The following CSMD3 variants were observed in gnomAD, a reference collection of about 807,000 sequenced individuals.
The protein encoded by CSMD3 is CUB and Sushi multiple domains 3.
CSMD3 carries 177 observed loss-of-function variants against 435.2 expected under a neutral mutation model. That is an observed-to-expected ratio of 0.41 (90% CI 0.36 to 0.46). CSMD3 has a LOEUF of 0.46. CSMD3 is among the 20% of genes least tolerant of loss of function. CSMD3 has a pLI of 0.34. For synonymous variants in CSMD3, 1,656 were observed against 1,520.5 expected (o/e 1.09, Z -2.07); for missense variants, 4,265 against 4,504.6 (o/e 0.95, Z 1.52).
intron 27 of CSMD3, among the ~76,000 whole-genome samples, chr8:112,522,817 C>A (rs1824439977): frequency 6.6e-6 from 1 of 151,874 alleles, no homozygotes; most frequent in South Asian, 2.1e-4. Flanking sequence ...TGTCAATATA[C>A]TTCTCACTTA....
chr8:113,296,291 T>TATAATAATAATA (rs4027872), intron 2 of CSMD3, among the ~76,000 whole-genome samples: 25,570 of 146,040 alleles, frequency 0.18, 2,881 homozygotes, highest in East Asian at 0.44. Context: ...GAACTTAAAG[T>TATAATAATAATA]ATAATAATAA....
At chr8:113,394,212 T>C (rs1044943577) in intron 1 of CSMD3, among the ~76,000 whole-genome samples, 5 of 151,428 alleles carry the variant, frequency 3.3e-5, no homozygotes, top group African/African-American at 1.2e-4. Context: ...ATGGTAAACA[T>C]ACTTGGGAAA....
Position 112,281,295 on chromosome 8 carries a change from A to G in CSMD3, c.9387T>C (p.Asp3129=), listed in dbSNP as rs1818608344. The change falls in exon 59 of 71, where the codon GAT becomes GAC. Residue 3129 remains aspartate, a synonymous_variant. Coordinates refer to ENST00000297405, the MANE Select transcript of CSMD3 (RefSeq NM_198123.2). ...TGACTGAACTAGAAAATGTTGTGCC[A>G]TCAATTCGGAAGACTTTCCCATTGG... ...TTANGKVFRI[D]GTTFSSSVIY... is the part of the protein sequence containing the mutation. 2 of 1,613,568 alleles carry G rather than the reference A, an allele frequency of 1.2e-6. No homozygotes were observed. Among genetic ancestry groups the G allele is most frequent in the African/African-American group, 1.3e-5 (1 of 75,022 alleles).
Position 113,144,684 on chromosome 8 carries a change from T to C in CSMD3, c.709+29038A>G, listed in dbSNP as rs188490469. 3.3e-5 allele frequency among the ~76,000 whole-genome samples: 5 copies of C among 151,608 alleles called. No homozygotes were observed. The Admixed American group carries it at 3.3e-4, about 10-fold the overall frequency. Reference sequence around the variant, plus strand: ...AGTAAGCAATAGAAAATTTATCTGGTCCAATTTACTTTAATGCCTTATGTC... The same window carrying C: ...AGTAAGCAATAGAAAATTTATCTGGCCCAATTTACTTTAATGCCTTATGTC... On this transcript the variant is annotated intron_variant, in intron 4 of 70. Coordinates refer to ENST00000297405, the MANE Select transcript of CSMD3 (RefSeq NM_198123.2).
intron 36 of CSMD3, among the ~76,000 whole-genome samples, chr8:112,386,467 T>C (rs1586950198): frequency 6.6e-6 from 1 of 152,090 alleles, no homozygotes; most frequent in South Asian, 2.1e-4. Flanking sequence ...GAGTACTCAC[T>C]ATGACAGAAG....
chr8:113,153,130 A>AGAAAGAAGGAAGGAAG (rs2091859152), intron 4 of CSMD3, among the ~76,000 whole-genome samples: 1 of 82,736 alleles, frequency 1.2e-5, no homozygotes, highest in African/African-American at 6.3e-5. Context: ...AGAAAGAGAA[A>AGAAAGAAGGAAGGAAG]GAAGGAAGGA....
At chr8:112,834,834 A>T (rs1236465977) in intron 11 of CSMD3, among the ~76,000 whole-genome samples, 1 of 151,892 alleles carries the variant, frequency 6.6e-6, no homozygotes, top group African/African-American at 2.4e-5. Flanking sequence ...AATGCCATAC[A>T]TTTTGCCTGT....
At chr8:113,281,413 C>T (rs1442512017) in intron 2 of CSMD3, among the ~76,000 whole-genome samples, 2 of 151,826 alleles carry the variant, frequency 1.3e-5, no homozygotes, top group Non-Finnish European at 2.9e-5. Flanking sequence ...CTTTTACCAT[C>T]ATATAATGTT....
intron 12 of CSMD3, among the ~76,000 whole-genome samples, chr8:112,803,794 T>G (rs1263382556): frequency 6.6e-6 from 1 of 152,158 alleles, no homozygotes; most frequent in Non-Finnish European, 1.5e-5. Flanking sequence ...AAAGCTTCTT[T>G]TCCCTGCTTC....
intron 12 of CSMD3, among the ~76,000 whole-genome samples, chr8:112,802,505 T>C (rs987778957): frequency 6.6e-6 from 1 of 152,132 alleles, no homozygotes; most frequent in African/African-American, 2.4e-5. Context: ...CCTAGCTATA[T>C]ATTATTTCTC....
At chr8:112,637,717 G>A (rs2074701858) in intron 21 of CSMD3, among the ~76,000 whole-genome samples, 1 of 151,666 alleles carries the variant, frequency 6.6e-6, no homozygotes, top group African/African-American at 2.4e-5. Context: ...CAGTTACTGT[G>A]TAATTACAAC....
At chr8:113,125,744 G>A (rs1480384018) in intron 4 of CSMD3, among the ~76,000 whole-genome samples, 2 of 151,946 alleles carry the variant, frequency 1.3e-5, no homozygotes, top group African/African-American at 4.8e-5. Context: ...ATTGGATTTG[G>A]CAACTTGAAA....
At chr8:113,411,610 C>A (rs2129797888) in intron 1 of CSMD3, among the ~76,000 whole-genome samples, 1 of 152,116 alleles carries the variant, frequency 6.6e-6, no homozygotes, top group South Asian at 2.1e-4. Flanking sequence ...AAATGAGGAC[C>A]CAATCCTTAT....
intron 11 of CSMD3, among the ~76,000 whole-genome samples, chr8:112,836,096 A>G (rs1487652398): frequency 1.3e-5 from 2 of 151,862 alleles, no homozygotes; most frequent in African/African-American, 4.8e-5. Flanking sequence ...CTACCTGTAA[A>G]TATAATGGAG....
chr8:113,292,276 G>A (rs1004317072), intron 2 of CSMD3, among the ~76,000 whole-genome samples: 2 of 151,670 alleles, frequency 1.3e-5, no homozygotes, highest in Non-Finnish European at 3.0e-5. Flanking sequence ...CTGAAAGAGA[G>A]AATATTGGCA....
intron 7 of CSMD3, among the ~76,000 whole-genome samples, chr8:112,969,221 C>A (rs565161112): frequency 6.6e-6 from 1 of 151,660 alleles, no homozygotes; most frequent in Non-Finnish European, 1.5e-5. Context: ...TTTTGTTGAG[C>A]CTTATAAATA....
intron 4 of CSMD3, among the ~76,000 whole-genome samples, chr8:113,131,992 T>A (rs2091295934): frequency 1.3e-5 from 2 of 152,118 alleles, no homozygotes; most frequent in African/African-American, 4.8e-5. Context: ...AAGGAGATCA[T>A]TTTGGAGCCT....
At position 113,250,969 on chromosome 8, in the gene CSMD3, G is replaced by C. The variant is rs576967281; in HGVS notation, c.514+27623C>G. The stretch of plus-strand genomic sequence containing the variant: ...TTTAAGTGGATGTGAAAATTGCCTT[G>C]CAGAAGGGTTACTAGGTAGAAATTA... On this transcript the variant is annotated intron_variant, in intron 3 of 70. Coordinates refer to ENST00000297405, the MANE Select transcript of CSMD3 (RefSeq NM_198123.2). 2.0e-5 allele frequency among the ~76,000 whole-genome samples: 3 copies of C among 151,962 alleles called. No individual in the cohort carries two copies. In the East Asian group the frequency reaches 5.8e-4, roughly 29 times the overall value.
At chr8:112,587,792 A>G (rs1363327955) in intron 22 of CSMD3, among the ~76,000 whole-genome samples, 5 of 151,896 alleles carry the variant, frequency 3.3e-5, no homozygotes, top group Admixed American at 3.3e-4. Flanking sequence ...ATAACAATTA[A>G]ACAATAATTG....
Sources: gnomAD v4.1 joint callset for allele counts (sites outside exome capture counted in the v4.1 genomes callset) on GRCh38, gnomAD v4.1.1 for gene constraint, MANE v1.5 for transcripts, NCBI Gene and HGNC (gene_info 2026-07-23, HGNC 2026-07-21) for gene names.